The following MANBAL variants were observed in gnomAD, a reference collection of about 807,000 sequenced individuals.
MANBAL encodes the protein protein MANBAL.
A neutral mutation model predicts 6.4 loss-of-function variants in MANBAL; 1 was observed. The observed-to-expected ratio is 0.16, with a 90% CI of 0.06 to 0.74. The LOEUF (loss-of-function observed/expected upper bound fraction) is 0.74, where lower values mean the gene tolerates loss of function less well. MANBAL is among the 30% of genes least tolerant of loss of function. The pLI, the probability that MANBAL is intolerant of heterozygous loss-of-function variation, is 0.78. For missense variants in MANBAL, 100 were observed against 107.8 expected (o/e 0.93, Z 0.32); for synonymous variants, 47 against 45.8 (o/e 1.03, Z -0.10).
intron 1 of MANBAL, among the ~76,000 whole-genome samples, chr20:37,293,987 A>G (rs1388752822): frequency 6.6e-6 from 1 of 152,170 alleles, no homozygotes; most frequent in African/African-American, 2.4e-5. Context: ...GGGTCTCACT[A>G]TGTTGCCCAA....
chr20:37,297,704 G>A (rs1049728203), intron 1 of MANBAL, among the ~76,000 whole-genome samples: 9 of 151,544 alleles, frequency 5.9e-5, no homozygotes, highest in South Asian at 2.1e-4. Flanking sequence ...GTGCAGTGGC[G>A]TGATCTCGGC....
chr20:37,302,470 G>C (rs987133261), intron 2 of MANBAL: 1 of 1,006,374 alleles, frequency 9.9e-7, no homozygotes, highest in Non-Finnish European at 1.4e-6. Flanking sequence ...ATAAAAATCC[G>C]GTCAGTCTTT....
chr20:37,305,623 G>A (rs1210038395), intron 2 of MANBAL, among the ~76,000 whole-genome samples: 1 of 151,464 alleles, frequency 6.6e-6, no homozygotes, highest in Non-Finnish European at 1.5e-5. Context: ...CTTGCATTTA[G>A]GGAAACAAGG....
intron 2 of MANBAL, among the ~76,000 whole-genome samples, chr20:37,307,254 G>C (rs2069279921): frequency 6.6e-6 from 1 of 152,186 alleles, no homozygotes; most frequent in Non-Finnish European, 1.5e-5. Flanking sequence ...GCATGAGCCA[G>C]TGTGCCCGGC....
intron 2 of MANBAL, among the ~76,000 whole-genome samples, chr20:37,315,301 T>C (rs2069483701): frequency 6.6e-6 from 1 of 152,204 alleles, no homozygotes; most frequent in Admixed American, 6.5e-5. Flanking sequence ...GCCTGTGGGC[T>C]GTGGTTGGCG....
At chr20:37,315,768 C>T (rs2069498334) in intron 2 of MANBAL, among the ~76,000 whole-genome samples, 1 of 152,236 alleles carries the variant, frequency 6.6e-6, no homozygotes, top group African/African-American at 2.4e-5. Flanking sequence ...CCAGTCCTGG[C>T]ATTCTGTGGG....
intron 2 of MANBAL, among the ~76,000 whole-genome samples, chr20:37,313,822 G>A (rs1031848946): frequency 6.6e-6 from 1 of 152,188 alleles, no homozygotes; most frequent in Non-Finnish European, 1.5e-5. Flanking sequence ...GAGTAGGAGT[G>A]TATTCATGGA....
chr20:37,310,768 C>T (rs1408448489), intron 2 of MANBAL, among the ~76,000 whole-genome samples: 1 of 152,140 alleles, frequency 6.6e-6, no homozygotes, highest in Non-Finnish European at 1.5e-5. Flanking sequence ...CACCTGGCCT[C>T]GGGAGTTTTC....
chr20:37,301,546 T>G (rs570617164), intron 2 of MANBAL, 133 bp downstream of exon 2: 143 of 1,012,248 alleles, frequency 1.4e-4, no homozygotes, highest in Non-Finnish European at 1.9e-4. Context: ...CCTCTGAATT[T>G]CCACCTGGTG....
intron 2 of MANBAL, among the ~76,000 whole-genome samples, chr20:37,307,185 T>C (rs994573259): frequency 6.6e-6 from 1 of 152,148 alleles, no homozygotes; most frequent in African/African-American, 2.4e-5. Context: ...AGGCTGGTCT[T>C]GAACTCCTGG....
At chr20:37,315,954 C>T (rs909930486) in intron 2 of MANBAL, among the ~76,000 whole-genome samples, 2 of 152,230 alleles carry the variant, frequency 1.3e-5, no homozygotes, top group Non-Finnish European at 2.9e-5. Flanking sequence ...CTCACATCAG[C>T]CCTGTAAGGC....
chr20:37,290,532 C>T (rs936753521), intron 1 of MANBAL, among the ~76,000 whole-genome samples: 1 of 151,870 alleles, frequency 6.6e-6, no homozygotes, highest in African/African-American at 2.4e-5. Flanking sequence ...GATCTTGGCT[C>T]ACTGCAACCT....
chr20:37,303,359 A>C (rs774483520), intron 2 of MANBAL, among the ~76,000 whole-genome samples: 2 of 152,240 alleles, frequency 1.3e-5, no homozygotes, highest in Admixed American at 6.5e-5. Flanking sequence ...GATTGCATCT[A>C]GGCCTTTCAA....
chr20:37,300,273 C>G (rs1272745585), intron 1 of MANBAL, among the ~76,000 whole-genome samples: 2 of 152,212 alleles, frequency 1.3e-5, no homozygotes, highest in Non-Finnish European at 2.9e-5. Context: ...TTTCCCCACC[C>G]TGGGGCCTCC....
chr20:37,306,523 G>A (rs958922768), intron 2 of MANBAL, among the ~76,000 whole-genome samples: 6 of 152,146 alleles, frequency 3.9e-5, no homozygotes, highest in Non-Finnish European at 5.9e-5. Context: ...CAAATGAAAA[G>A]GTTTTCTCAT....
At position 37,316,816 on chromosome 20, in the gene MANBAL, T is replaced by TAATGATAC; in HGVS notation, c.*401_*402insAATGATAC. ...GACAAGCACACCCTCTCCCATTATTTGTGCACTACAGATCTCCTCCTGATC... is the reference window on the plus strand; with the variant it reads ...GACAAGCACACCCTCTCCCATTATTTAATGATACGTGCACTACAGATCTCCTCCTGATC... On this transcript the variant is annotated 3_prime_UTR_variant, in exon 3 of 3. Transcript: ENST00000373606. 1 of 182,110 alleles carries TAATGATAC rather than the reference T, an allele frequency of 5.5e-6. No individual in the cohort carries two copies. The highest frequency in any genetic ancestry group is 1.1e-5 in the Non-Finnish European group (1 of 87,806). The allele number at this position is 182,110 out of a possible 1,614,324, so 11.3% of individuals were successfully genotyped here. A position where few individuals can be genotyped will look rare whatever the true frequency, so the allele number is the denominator to read the frequency against.
At chr20:37,303,583 G>A (rs149994388) in intron 2 of MANBAL, among the ~76,000 whole-genome samples, 104 of 152,244 alleles carry the variant, frequency 6.8e-4, no homozygotes, top group African/African-American at 2.4e-3. Flanking sequence ...AGGTCCCCAG[G>A]ACCACCCCAG....
chr20:37,295,152 A>G (rs1176715879), intron 1 of MANBAL, among the ~76,000 whole-genome samples: 1 of 152,186 alleles, frequency 6.6e-6, no homozygotes, highest in Non-Finnish European at 1.5e-5. Flanking sequence ...TTGTCGTTAA[A>G]TGATGACTCT....
In MANBAL at chr20:37,301,361, A is replaced by G; in HGVS notation, c.98A>G (p.Gln33Arg). 6.2e-7 allele frequency: 1 copy of G among 1,613,870 alleles called. No individual in the cohort carries two copies. Among genetic ancestry groups the G allele is most frequent in the Non-Finnish European group, 8.5e-7 (1 of 1,179,852 alleles). The part of the protein sequence containing the change: ...RYGLFLGAIF[Q>R]LICVLAIIVP... ...GGACTCTTCCTGGGAGCCATCTTCC[A>G]GCTCATCTGTGTGCTGGCCATCATC... is the stretch of plus-strand genomic sequence containing the variant. The change falls in exon 2 of 3, where the codon CAG becomes CGG. Residue 33 changes from glutamine to arginine, a missense_variant. By Grantham distance (43) the Gln-to-Arg change is conservative (BLOSUM62 1). Coordinates refer to ENST00000373606, the MANE Select transcript of MANBAL (RefSeq NM_001003897.2).
Sources: allele counts gnomAD v4.1 joint callset (sites outside exome capture counted in the v4.1 genomes callset), GRCh38; gene constraint gnomAD v4.1.1; transcripts MANE v1.5; gene names NCBI Gene and HGNC (gene_info 2026-07-23, HGNC 2026-07-21).